The following DPP10 variants were observed in gnomAD, a reference collection of about 807,000 sequenced individuals.
The protein encoded by DPP10 is inactive dipeptidyl peptidase 10.
Under a neutral mutation model 120.9 loss-of-function variants are expected in DPP10, and 33 were observed. The observed-to-expected ratio is 0.27, with a 90% CI of 0.21 to 0.37. DPP10 has a LOEUF of 0.37. Among genes scored for constraint, DPP10 ranks in the 10% least tolerant of loss-of-function variants. DPP10 has a pLI of 1.00. For synonymous variants in DPP10, 337 were observed against 326.1 expected (o/e 1.03, Z -0.36); for missense variants, 816 against 942.8 (o/e 0.87, Z 1.76).
chr2:115,366,562 A>C (rs1196726566), intron 3 of DPP10, among the ~76,000 whole-genome samples: 1 of 152,102 alleles, frequency 6.6e-6, no homozygotes, highest in Non-Finnish European at 1.5e-5. Flanking sequence ...AAAGTAGATC[A>C]ATATCAGTTA....
At chr2:114,699,804 G>A (rs1317550174) in intron 1 of DPP10, among the ~76,000 whole-genome samples, 4 of 152,106 alleles carry the variant, frequency 2.6e-5, no homozygotes, top group African/African-American at 9.7e-5. Flanking sequence ...ACCAGAAGGG[G>A]CAAGGTCAAG....
chr2:114,791,716 A>G (rs930743636), intron 1 of DPP10, among the ~76,000 whole-genome samples: 2 of 152,214 alleles, frequency 1.3e-5, no homozygotes, highest in African/African-American at 4.8e-5. Flanking sequence ...TCATGAACAT[A>G]GTTAACAGGG....
intron 1 of DPP10, among the ~76,000 whole-genome samples, chr2:115,266,753 C>T (rs1248117486): frequency 1.3e-5 from 2 of 152,192 alleles, no homozygotes; most frequent in East Asian, 1.9e-4. Flanking sequence ...CTTTTATGTA[C>T]TGAGAAATTA....
intron 1 of DPP10, among the ~76,000 whole-genome samples, chr2:114,991,056 A>G (rs1192836536): frequency 3.3e-5 from 5 of 152,224 alleles, no homozygotes; most frequent in Non-Finnish European, 5.9e-5. Flanking sequence ...TAATGTCTCT[A>G]TAACTACATA....
At position 114,733,921 on chromosome 2, in the gene DPP10, A is replaced by G. The variant is rs116228539; in HGVS notation, c.60+291083A>G. Among the ~76,000 whole-genome samples the G allele has an allele frequency of 2.9e-3, 440 of 152,236 alleles. 2 individuals carry two copies. The highest frequency in any genetic ancestry group is 9.8e-3 in the African/African-American group (406 of 41,548). ...CATTTTACTAAGCTCATCTCTTCCT[A>G]GATGCAGGAAAGTGAGGACTAAGCT... On this transcript the variant is annotated intron_variant, in intron 1 of 25. Transcript: ENST00000410059.
intron 1 of DPP10, among the ~76,000 whole-genome samples, chr2:114,485,152 T>C (rs1681393487): frequency 6.6e-6 from 1 of 152,190 alleles, no homozygotes; most frequent in Admixed American, 6.5e-5. Flanking sequence ...ATTGGAATTA[T>C]AACTTGAATC....
At chr2:114,884,451 A>G (rs1327851213) in intron 1 of DPP10, among the ~76,000 whole-genome samples, 1 of 152,022 alleles carries the variant, frequency 6.6e-6, no homozygotes, top group East Asian at 1.9e-4. Flanking sequence ...AAGCCCCTTC[A>G]ATTCCTCCAG....
intron 1 of DPP10, among the ~76,000 whole-genome samples, chr2:115,052,216 T>A: frequency 6.6e-6 from 1 of 152,034 alleles, no homozygotes; most frequent in East Asian, 1.9e-4. Flanking sequence ...GACCTAAAAC[T>A]ACAAAACTCT....
Position 114,544,268 on chromosome 2 carries a change from AG to A in DPP10, c.60+101432del, listed in dbSNP as rs200936489. 4.3e-4 allele frequency among the ~76,000 whole-genome samples: 65 copies of A among 152,336 alleles called. 1 individual carries two copies. In the East Asian group the frequency reaches 0.011, roughly 25 times the overall value. On this transcript the variant is annotated intron_variant, in intron 1 of 25. Transcript: ENST00000410059. ...TGTGAGTCAAGACTCAAGGAACTGC[AG>A]GCATGAGCCAAAAAGCCCCACGAGG...
chr2:115,025,291 A>T (rs1386082732), intron 1 of DPP10, among the ~76,000 whole-genome samples: 3 of 152,136 alleles, frequency 2.0e-5, no homozygotes, highest in Non-Finnish European at 4.4e-5. Flanking sequence ...ACCTAGCGTA[A>T]CAACTCCCAG....
At chr2:115,481,633 T>A (rs1307556392) in intron 3 of DPP10, among the ~76,000 whole-genome samples, 1 of 152,128 alleles carries the variant, frequency 6.6e-6, no homozygotes, top group Admixed American at 6.6e-5. Flanking sequence ...GAGCCAATTA[T>A]TTTGTCGACT....
chr2:114,514,856 C>T (rs1471184184), intron 1 of DPP10, among the ~76,000 whole-genome samples: 3 of 151,548 alleles, frequency 2.0e-5, no homozygotes, highest in African/African-American at 7.3e-5. Flanking sequence ...CCCTAATTTC[C>T]TGTAACAGCA....
chr2:114,899,648 A>G (rs1266516900), intron 1 of DPP10, among the ~76,000 whole-genome samples: 2 of 148,704 alleles, frequency 1.3e-5, no homozygotes, highest in Non-Finnish European at 3.0e-5. Flanking sequence ...TTAACTTAAA[A>G]ATACTTCATA....
chr2:115,315,806 G>A (rs34938977), intron 2 of DPP10, among the ~76,000 whole-genome samples: 4,144 of 152,204 alleles, frequency 0.027, 72 homozygotes, highest in South Asian at 0.06. Context: ...AGGCTGCAGA[G>A]AAAACAATGA....
chr2:115,558,887 A>T (rs17044696), intron 5 of DPP10, among the ~76,000 whole-genome samples: 13,018 of 152,188 alleles, frequency 0.086, 600 homozygotes, highest in African/African-American at 0.11. Flanking sequence ...GCCATTATCT[A>T]CTTTAATTGT....
At chr2:115,754,853 A>T (rs1467172568) in intron 11 of DPP10, among the ~76,000 whole-genome samples, 1 of 152,160 alleles carries the variant, frequency 6.6e-6, no homozygotes, top group Admixed American at 6.6e-5. Context: ...GATATCTTAA[A>T]TACACTGATT....
chr2:114,505,579 T>C (rs1189752239), intron 1 of DPP10, among the ~76,000 whole-genome samples: 1 of 152,092 alleles, frequency 6.6e-6, no homozygotes, highest in Non-Finnish European at 1.5e-5. Context: ...AAATAGCATA[T>C]TTTGAGGTGG....
At chr2:115,277,594 T>G (rs2059973167) in intron 1 of DPP10, among the ~76,000 whole-genome samples, 1 of 151,614 alleles carries the variant, frequency 6.6e-6, no homozygotes, top group African/African-American at 2.4e-5. Context: ...TGAATACATA[T>G]GAAAGAATAA....
intron 1 of DPP10, among the ~76,000 whole-genome samples, chr2:114,869,107 G>A (rs576761165): frequency 6.6e-6 from 1 of 152,058 alleles, no homozygotes; most frequent in African/African-American, 2.4e-5. Flanking sequence ...ATCAATTGAG[G>A]GCTTCAGAGC....
Sources: gnomAD v4.1 joint callset for allele counts (sites outside exome capture counted in the v4.1 genomes callset) on GRCh38, gnomAD v4.1.1 for gene constraint, MANE v1.5 for transcripts, NCBI Gene and HGNC (gene_info 2026-07-23, HGNC 2026-07-21) for gene names.